The following NPR3 variants were observed in gnomAD, a reference collection of about 807,000 sequenced individuals.
NPR3 encodes the protein atrial natriuretic peptide receptor 3.
In NPR3, 34 loss-of-function variants were observed where a neutral mutation model predicts 54.5. The ratio of observed to expected loss-of-function variants is 0.62; its 90% CI spans 0.47 to 0.83. The LOEUF (loss-of-function observed/expected upper bound fraction) is 0.83. NPR3 is among the 40% of genes least tolerant of loss of function. NPR3 has a pLI of 0.00. For missense variants in NPR3, 674 were observed against 720.8 expected (o/e 0.94, Z 0.74); for synonymous variants, 289 against 297.1 (o/e 0.97, Z 0.28).
intron 5 of NPR3, among the ~76,000 whole-genome samples, chr5:32,781,475 G>GT (rs34653545): frequency 0.6 from 91,817 of 152,032 alleles, 28,515 homozygotes; most frequent in African/African-American, 0.75. Flanking sequence ...GGCTCCCAGG[G>GT]CATTGCTCCG....
chr5:32,773,448 A>G (rs534208320), intron 3 of NPR3, among the ~76,000 whole-genome samples: 1 of 152,266 alleles, frequency 6.6e-6, no homozygotes, highest in South Asian at 2.1e-4. Context: ...TGGTCTCCAG[A>G]TTCTCGATGA....
In NPR3 at chr5:32,771,958, TA is replaced by T. The variant is rs367783230; in HGVS notation, c.1060-2739del. On this transcript the variant is annotated intron_variant, in intron 3 of 7. Coordinates refer to ENST00000265074, the MANE Select transcript of NPR3 (RefSeq NM_001204375.2). ...TCAAAGAGAAGATAGACCTCAAACT[TA>T]AAAAAAAAAAGTGAACTGAGAATGA... Among the ~76,000 whole-genome samples the T allele has an allele frequency of 5.5e-3, 793 of 144,676 alleles. 5 individuals carry two copies. The highest frequency in any genetic ancestry group is 0.017 in the African/African-American group (678 of 39,684). 94.9% of individuals were successfully genotyped at this position (144,676 alleles called of 152,430 possible).
intron 3 of NPR3, among the ~76,000 whole-genome samples, chr5:32,759,379 G>A (rs1024569065): frequency 6.6e-6 from 1 of 151,110 alleles, no homozygotes; most frequent in Non-Finnish European, 1.5e-5. Context: ...TTTCTCTTTT[G>A]ATCTTTGTTG....
rs780962214 is a variant in NPR3, at chr5:32,712,262, T to C, written c.486T>C (p.Ala162=). ...LPMLSAGALA[A]GFQHKDSEYS... ...TGCTGTCGGCTGGGGCGCTGGCCGC[T>C]GGCTTCCAGCACAAGGACTCTGAGT... Residue 162 remains alanine, a synonymous_variant, in exon 1 of 8, where the codon GCT becomes GCC. Coordinates refer to ENST00000265074, the MANE Select transcript of NPR3 (RefSeq NM_001204375.2). 5.8e-5 allele frequency: 94 copies of C among 1,612,658 alleles called. No individual in the cohort carries two copies. The highest frequency in any genetic ancestry group is 7.7e-5 in the Non-Finnish European group (91 of 1,179,678).
intron 3 of NPR3, among the ~76,000 whole-genome samples, chr5:32,742,925 C>T (rs1490232144): frequency 6.6e-6 from 1 of 152,038 alleles, no homozygotes; most frequent in East Asian, 1.9e-4. Context: ...ACCACTGACT[C>T]TATTTCTTAT....
At chr5:32,694,562 A>G (rs1404667639) in intron 1 of NPR3, among the ~76,000 whole-genome samples, 1 of 152,104 alleles carries the variant, frequency 6.6e-6, no homozygotes, top group Non-Finnish European at 1.5e-5. Context: ...CTAATTTTTA[A>G]TTTTTGTAGG....
chr5:32,732,628 G>C (rs1192908174), intron 2 of NPR3, among the ~76,000 whole-genome samples: 1 of 152,162 alleles, frequency 6.6e-6, no homozygotes, highest in African/African-American at 2.4e-5. Context: ...GCAGTCAACA[G>C]AATCACATGG....
At chr5:32,769,467 T>G (rs1741640139) in intron 3 of NPR3, among the ~76,000 whole-genome samples, 1 of 152,194 alleles carries the variant, frequency 6.6e-6, no homozygotes, top group Non-Finnish European at 1.5e-5. Flanking sequence ...GGCCCATCTC[T>G]TCTCTTACCT....
chr5:32,774,571 G>A (rs571052009), intron 3 of NPR3, 137 bp from the exon 4 acceptor site: 2 of 697,458 alleles, frequency 2.9e-6, no homozygotes, highest in Admixed American at 2.0e-5. Flanking sequence ...CGTGATTCTT[G>A]TCAGTACCCC....
chr5:32,759,162 T>C (rs1741011783), intron 3 of NPR3, among the ~76,000 whole-genome samples: 1 of 152,230 alleles, frequency 6.6e-6, no homozygotes, highest in Non-Finnish European at 1.5e-5. Context: ...ATATCCTTGT[T>C]AACTTTCTGT....
At chr5:32,699,111 T>C (rs1740605340) in intron 1 of NPR3, among the ~76,000 whole-genome samples, 1 of 152,206 alleles carries the variant, frequency 6.6e-6, no homozygotes, top group South Asian at 2.1e-4. Context: ...TGTTTTAATT[T>C]CTTGCTTTTT....
At chr5:32,692,928 C>T (rs1338382665) in intron 1 of NPR3, among the ~76,000 whole-genome samples, 2 of 152,154 alleles carry the variant, frequency 1.3e-5, no homozygotes, top group Non-Finnish European at 2.9e-5. Context: ...TGAGACCCAC[C>T]TGGGCCACAT....
At chr5:32,750,572 A>G (rs1057253387) in intron 3 of NPR3, among the ~76,000 whole-genome samples, 1 of 152,072 alleles carries the variant, frequency 6.6e-6, no homozygotes, top group African/African-American at 2.4e-5. Context: ...TTTACCTGAA[A>G]TCTCTTCTGT....
Position 32,788,809 on chromosome 5 carries a change from A to G in NPR3, c.*2464A>G, listed in dbSNP as rs1742759744. On this transcript the variant is annotated 3_prime_UTR_variant, in exon 8 of 8. Transcript: ENST00000265074. ...TGGATGCTATACCAATTTAAAATCA[A>G]TTCTTATGTTAATATTGATTGCTTA... 1 of 152,238 alleles carries G rather than the reference A, an allele frequency of 6.6e-6. No homozygotes were observed. Among genetic ancestry groups the G allele is most frequent in the Admixed American group, 6.5e-5 (1 of 15,282 alleles). 9.4% of individuals were successfully genotyped at this position (152,238 alleles called of 1,614,324 possible). A position where few individuals can be genotyped will look rare whatever the true frequency, so the allele number is the denominator to read the frequency against.
Position 32,724,685 on chromosome 5 carries a change from G to C in NPR3, c.770-13G>C. The C allele has an allele frequency of 6.2e-7, 1 of 1,613,850 alleles. No individual in the cohort carries two copies. The highest frequency in any genetic ancestry group is 8.5e-7 in the Non-Finnish European group (1 of 1,179,842). On this transcript the variant is annotated splice_polypyrimidine_tract_variant and intron_variant, in intron 1 of 7. Coordinates refer to ENST00000265074, the MANE Select transcript of NPR3 (RefSeq NM_001204375.2). ...AAGGGGTGCCTCATGTGTGTTGTTT[G>C]TTCCTCCCCTAGTGGTGATCATGTG...
intron 3 of NPR3, among the ~76,000 whole-genome samples, chr5:32,748,229 C>T (rs1740401000): frequency 6.6e-6 from 1 of 152,080 alleles, no homozygotes; most frequent in Admixed American, 6.6e-5. Context: ...TTATATTTTT[C>T]ATGCTTTCTT....
chr5:32,710,713 G>A (rs555209754), upstream of NPR3: 92 of 1,547,106 alleles, frequency 5.9e-5, no homozygotes, highest in African/African-American at 3.7e-4. Context: ...ACCTTGCGCC[G>A]AGGGACCAGG....
At chr5:32,754,221 T>C (rs1371671366) in intron 3 of NPR3, among the ~76,000 whole-genome samples, 1 of 152,174 alleles carries the variant, frequency 6.6e-6, no homozygotes, top group South Asian at 2.1e-4. Context: ...TAAATATTAA[T>C]TGATGGGTAT....
intron 1 of NPR3, among the ~76,000 whole-genome samples, chr5:32,722,809 G>T (rs1738932457): frequency 6.6e-6 from 1 of 152,196 alleles, no homozygotes; most frequent in African/African-American, 2.4e-5. Context: ...ATAATTAGGA[G>T]TTTCTTTGAA....
Sources: gnomAD v4.1 joint callset for allele counts (sites outside exome capture counted in the v4.1 genomes callset) on GRCh38, gnomAD v4.1.1 for gene constraint, MANE v1.5 for transcripts, NCBI Gene and HGNC (gene_info 2026-07-23, HGNC 2026-07-21) for gene names.